LRMDA: variants seen among roughly 807,000 people sequenced by gnomAD.
LRMDA encodes leucine-rich melanocyte differentiation-associated protein.
LRMDA carries 18 observed loss-of-function variants against 29.8 expected under a neutral mutation model. That is an observed-to-expected ratio of 0.60 (90% CI 0.42 to 0.90). The LOEUF is 0.90. LRMDA is among the 40% of genes least tolerant of loss of function. LRMDA has a pLI of 0.00. For missense variants in LRMDA, 273 were observed against 273.9 expected (o/e 1.00, Z 0.02); for synonymous variants, 125 against 109.4 (o/e 1.14, Z -0.89).
intron 2 of LRMDA, among the ~76,000 whole-genome samples, chr10:75,615,112 C>T (rs749571046): frequency 1.3e-5 from 2 of 152,192 alleles, no homozygotes; most frequent in African/African-American, 2.4e-5. Context: ...TAATTAAAGA[C>T]TTGGGCTTGA....
At chr10:75,917,249 C>T (rs952173203) in intron 2 of LRMDA, among the ~76,000 whole-genome samples, 9 of 152,136 alleles carry the variant, frequency 5.9e-5, no homozygotes, top group African/African-American at 2.2e-4. Flanking sequence ...TATGTGTGGC[C>T]TCTCCTCTGT....
chr10:76,292,915 T>C (rs911868352), intron 5 of LRMDA, among the ~76,000 whole-genome samples: 16 of 152,150 alleles, frequency 1.1e-4, no homozygotes, highest in Admixed American at 2.6e-4. Flanking sequence ...AGAAACCAAA[T>C]AACTAGGACT....
intron 5 of LRMDA, among the ~76,000 whole-genome samples, chr10:76,286,401 C>T (rs868793292): frequency 6.6e-6 from 1 of 152,308 alleles, no homozygotes; most frequent in African/African-American, 2.4e-5. Flanking sequence ...TTGGGGCCTT[C>T]ATTGTTCCAC....
chr10:76,257,149 T>A (rs1049759520), intron 5 of LRMDA, among the ~76,000 whole-genome samples: 1 of 152,156 alleles, frequency 6.6e-6, no homozygotes, highest in African/African-American at 2.4e-5. Flanking sequence ...ATAATAGCTT[T>A]ACATTAAAAA....
intron 2 of LRMDA, among the ~76,000 whole-genome samples, chr10:75,462,078 A>G (rs545394000): frequency 1.3e-5 from 2 of 152,388 alleles, no homozygotes; most frequent in Non-Finnish European, 2.9e-5. Context: ...TGTCAGAATG[A>G]GATGTTAGGA....
chr10:75,559,838 G>A (rs1840268013), intron 2 of LRMDA, among the ~76,000 whole-genome samples: 3 of 83,158 alleles, frequency 3.6e-5, no homozygotes, highest in African/African-American at 8.5e-5. Flanking sequence ...AGATCACATG[G>A]TTGTAGTTGT....
intron 2 of LRMDA, among the ~76,000 whole-genome samples, chr10:75,742,506 G>A (rs1186378912): frequency 6.6e-6 from 1 of 152,176 alleles, no homozygotes; most frequent in Non-Finnish European, 1.5e-5. Context: ...GGGGTGGATG[G>A]GAGGCACACT....
intron 5 of LRMDA, among the ~76,000 whole-genome samples, chr10:76,129,468 T>C (rs750938411): frequency 4.6e-5 from 7 of 152,204 alleles, no homozygotes; most frequent in Non-Finnish European, 7.3e-5. Flanking sequence ...AATAGACCTT[T>C]AGTGTGGACA....
chr10:76,066,382 T>A (rs1052885599), intron 5 of LRMDA, among the ~76,000 whole-genome samples: 1 of 152,194 alleles, frequency 6.6e-6, no homozygotes, highest in African/African-American at 2.4e-5. Context: ...TATCTCTAAT[T>A]TTCTCCCTAC....
intron 2 of LRMDA, among the ~76,000 whole-genome samples, chr10:76,026,871 G>T (rs1376970106): frequency 6.6e-6 from 1 of 152,204 alleles, no homozygotes; most frequent in African/African-American, 2.4e-5. Context: ...CATTCTCCAT[G>T]ATTTTAGCCT....
intron 2 of LRMDA, among the ~76,000 whole-genome samples, chr10:75,940,466 A>C (rs1383547177): frequency 6.6e-6 from 1 of 152,104 alleles, no homozygotes; most frequent in Non-Finnish European, 1.5e-5. Flanking sequence ...TCAGGTAAAA[A>C]GCCGTGCCTT....
chr10:76,306,118 A>G (rs892723317), intron 5 of LRMDA, among the ~76,000 whole-genome samples: 5 of 152,258 alleles, frequency 3.3e-5, no homozygotes, highest in African/African-American at 1.2e-4. Context: ...TTAACTTTAC[A>G]AAGAAAGATT....
intron 6 of LRMDA, among the ~76,000 whole-genome samples, chr10:76,493,171 C>T (rs1411724377): frequency 6.6e-6 from 1 of 152,044 alleles, no homozygotes; most frequent in African/African-American, 2.4e-5. Context: ...AGAAATCTAC[C>T]TGATGCTTTA....
chr10:75,658,738 T>C (rs1841711021), intron 2 of LRMDA, among the ~76,000 whole-genome samples: 1 of 152,130 alleles, frequency 6.6e-6, no homozygotes, highest in Non-Finnish European at 1.5e-5. Flanking sequence ...AGAGAAAAAA[T>C]AAAAGGTTTG....
intron 2 of LRMDA, among the ~76,000 whole-genome samples, chr10:75,826,478 A>G (rs1844248497): frequency 6.6e-6 from 1 of 152,174 alleles, no homozygotes. Context: ...GTCAGTGTCC[A>G]TGTTAAGACA....
intron 2 of LRMDA, among the ~76,000 whole-genome samples, chr10:75,654,777 G>C (rs1841646553): frequency 6.6e-6 from 1 of 152,172 alleles, no homozygotes. Flanking sequence ...AAAATGGTGG[G>C]AGTTTCATAT....
intron 2 of LRMDA, among the ~76,000 whole-genome samples, chr10:75,854,163 C>G (rs1844780968): frequency 6.6e-6 from 1 of 152,090 alleles, no homozygotes; most frequent in Admixed American, 6.5e-5. Flanking sequence ...GAATGAGTGG[C>G]TCTAGTATTT....
chr10:76,089,019 C>T (rs1408555574), intron 5 of LRMDA, among the ~76,000 whole-genome samples: 4 of 152,116 alleles, frequency 2.6e-5, no homozygotes, highest in African/African-American at 9.7e-5. Context: ...CTATGGAAGT[C>T]GTTGAGCGAG....
chr10:76,221,146 C>T (rs975122226), intron 5 of LRMDA, among the ~76,000 whole-genome samples: 17 of 152,052 alleles, frequency 1.1e-4, no homozygotes, highest in African/African-American at 4.1e-4. Context: ...CTATCTATGA[C>T]AAACCCACAG....
Sources: gnomAD v4.1 joint callset for allele counts (sites outside exome capture counted in the v4.1 genomes callset) on GRCh38, gnomAD v4.1.1 for gene constraint, MANE v1.5 for transcripts, NCBI Gene and HGNC (gene_info 2026-07-23, HGNC 2026-07-21) for gene names.